The following CPEB1 variants were observed in gnomAD, a reference collection of about 807,000 sequenced individuals.
The protein encoded by CPEB1 is cytoplasmic polyadenylation element-binding protein 1.
Under a neutral mutation model 65.8 loss-of-function variants are expected in CPEB1, and 7 were observed. That is an observed-to-expected ratio of 0.11 (90% confidence interval 0.06 to 0.20). The LOEUF is 0.20. Ranked by LOEUF, CPEB1 falls within the 10% of genes least tolerant of loss-of-function variation. The pLI is 1.00. For synonymous variants in CPEB1, 262 were observed against 260.0 expected (o/e 1.01, Z -0.08); for missense variants, 551 against 712.2 (o/e 0.77, Z 2.58).
intron 3 of CPEB1, among the ~76,000 whole-genome samples, chr15:82,620,424 C>CA (rs143850979): frequency 0.41 from 56,789 of 138,448 alleles, 11,285 homozygotes; most frequent in South Asian, 0.49. Flanking sequence ...GACTCTGTCT[C>CA]AAAAAGAAAA....
intron 3 of CPEB1, among the ~76,000 whole-genome samples, chr15:82,593,530 A>G (rs560861258): frequency 6.6e-6 from 1 of 152,316 alleles, no homozygotes; most frequent in South Asian, 2.1e-4. Flanking sequence ...AAGCAGTGAG[A>G]ACCCCTCAAA....
At chr15:82,583,299 C>T (rs2041474426) in intron 3 of CPEB1, 1 of 152,086 alleles carries the variant, frequency 6.6e-6, no homozygotes. Flanking sequence ...TACAACATGC[C>T]ATCTAGGTTG....
At chr15:82,608,579 C>A (rs1270251832) in intron 3 of CPEB1, among the ~76,000 whole-genome samples, 1 of 152,184 alleles carries the variant, frequency 6.6e-6, no homozygotes, top group African/African-American at 2.4e-5. Flanking sequence ...TACCAAGATT[C>A]AGCTATCTTG....
intron 3 of CPEB1, among the ~76,000 whole-genome samples, chr15:82,590,184 C>G (rs987095206): frequency 8.0e-6 from 1 of 125,584 alleles, no homozygotes; most frequent in Non-Finnish European, 1.6e-5. Context: ...ATAGTCTTTT[C>G]CTATGTGTCC....
rs569217169 is a variant in CPEB1, at chr15:82,628,530, G to C, written c.-71C>G. 10 of 689,648 alleles carry C rather than the reference G, an allele frequency of 1.5e-5. No homozygotes were observed. The East Asian group carries it at 2.7e-4, about 19-fold the overall frequency. The allele number at this position is 689,648 out of a possible 1,614,324, so 42.7% of individuals were successfully genotyped here. On this transcript the variant is annotated 5_prime_UTR_variant, in exon 2 of 13. Coordinates refer to ENST00000684509, the MANE Select transcript of CPEB1 (RefSeq NM_001365242.1). ...TGCTTTTGACTTCTTTTACAATACA[G>C]ACCCTTCTATTACACAGGCACTGAA...
intron 12 of CPEB1, 53 bp downstream of exon 12, chr15:82,546,388 C>T: frequency 6.7e-7 from 1 of 1,495,746 alleles, no homozygotes; most frequent in Non-Finnish European, 9.3e-7. Context: ...AACCACCGCG[C>T]CCAGCCAACA....
intron 3 of CPEB1, chr15:82,571,923 A>C: frequency 1.1e-6 from 1 of 917,310 alleles, no homozygotes; most frequent in Non-Finnish European, 1.3e-6. Flanking sequence ...AGACAGCACA[A>C]CAGCTACTTG....
intron 3 of CPEB1, among the ~76,000 whole-genome samples, chr15:82,600,587 G>C (rs182073271): frequency 6.6e-6 from 1 of 152,294 alleles, no homozygotes; most frequent in African/African-American, 2.4e-5. Context: ...AGTGGGGACA[G>C]GATAACAAGT....
chr15:82,583,231 T>C (rs902863153), intron 3 of CPEB1: 6 of 152,188 alleles, frequency 3.9e-5, no homozygotes, highest in African/African-American at 1.4e-4. Context: ...CTACTGCTTA[T>C]GGTATGGGGG....
At chr15:82,645,453 G>A (rs765944143) in intron 1 of CPEB1, among the ~76,000 whole-genome samples, 1 of 152,030 alleles carries the variant, frequency 6.6e-6, no homozygotes, top group Admixed American at 6.5e-5. Flanking sequence ...GGGCCGGGCC[G>A]TACTTTTTTA....
At chr15:82,645,367 G>C (rs188742171) in intron 1 of CPEB1, among the ~76,000 whole-genome samples, 1 of 152,148 alleles carries the variant, frequency 6.6e-6, no homozygotes, top group East Asian at 2.0e-4. Flanking sequence ...TGGCCAGGCT[G>C]GTCTTGAACT....
intron 3 of CPEB1, among the ~76,000 whole-genome samples, chr15:82,573,766 C>A (rs2040346260): frequency 6.6e-6 from 1 of 152,138 alleles, no homozygotes; most frequent in Non-Finnish European, 1.5e-5. Context: ...CCAAGACCGA[C>A]AGAATTGAGA....
intron 3 of CPEB1, among the ~76,000 whole-genome samples, chr15:82,597,142 C>A (rs960553463): frequency 6.6e-6 from 1 of 152,110 alleles, no homozygotes; most frequent in African/African-American, 2.4e-5. Context: ...CTGGGCAACA[C>A]AGGGAGACCC....
chr15:82,574,487 G>C (rs1392974128), intron 3 of CPEB1, among the ~76,000 whole-genome samples: 1 of 152,062 alleles, frequency 6.6e-6, no homozygotes, highest in East Asian at 1.9e-4. Context: ...GGAGGCTGAG[G>C]CAGGCAGATC....
rs149801486 is a variant in CPEB1 at position 82,584,008 on chromosome 15, C to G, written c.272-12476G>C. Among the ~76,000 whole-genome samples, 25 of 151,984 alleles carry G rather than the reference C, an allele frequency of 1.6e-4. No homozygotes were observed. In the East Asian group the frequency reaches 4.8e-3, roughly 29 times the overall value. Reference sequence around the variant, plus strand: ...GGCTTGGTGGCTCACACCTGTAATCCCAGCACTTTGGGAGGTCGAGGCAGG... The same window carrying G: ...GGCTTGGTGGCTCACACCTGTAATCGCAGCACTTTGGGAGGTCGAGGCAGG... On this transcript the variant is annotated intron_variant, in intron 3 of 12. Coordinates refer to ENST00000684509, the MANE Select transcript of CPEB1 (RefSeq NM_001365242.1).
At chr15:82,567,135 T>A (rs755383135) in intron 4 of CPEB1, among the ~76,000 whole-genome samples, 1 of 152,308 alleles carries the variant, frequency 6.6e-6, no homozygotes, top group Non-Finnish European at 1.5e-5. Context: ...AGAGACCTGG[T>A]TGGGCCGAGG....
chr15:82,600,024 A>T (rs1480058286), intron 3 of CPEB1, among the ~76,000 whole-genome samples: 2 of 152,202 alleles, frequency 1.3e-5, no homozygotes, highest in African/African-American at 4.8e-5. Flanking sequence ...CACAGGAAAT[A>T]TATGAGGAGA....
At chr15:82,556,278 TTATAC>T in intron 5 of CPEB1, 156 bp from the exon 6 acceptor site, 1 of 805,410 alleles carries the variant, frequency 1.2e-6, no homozygotes, top group East Asian at 3.0e-5. Context: ...TTAGTTCTAG[TTATAC>T]TATAATTTAA....
intron 3 of CPEB1, among the ~76,000 whole-genome samples, chr15:82,605,475 C>T (rs1047192938): frequency 6.6e-6 from 1 of 151,858 alleles, no homozygotes; most frequent in Admixed American, 6.6e-5. Context: ...TATAGAATGA[C>T]GGTAACTATA....
Sources: allele counts gnomAD v4.1 joint callset (sites outside exome capture counted in the v4.1 genomes callset), GRCh38; gene constraint gnomAD v4.1.1; transcripts MANE v1.5; gene names NCBI Gene and HGNC (gene_info 2026-07-23, HGNC 2026-07-21).